The following VAV2 variants were observed in gnomAD, a reference collection of about 807,000 sequenced individuals.
The protein encoded by VAV2 is vav guanine nucleotide exchange factor 2, also known as guanine nucleotide exchange factor VAV2.
A neutral mutation model predicts 132.5 loss-of-function variants in VAV2; 67 were observed. The observed-to-expected ratio is 0.51, with a 90% CI of 0.42 to 0.62. The LOEUF (loss-of-function observed/expected upper bound fraction) is 0.62, where lower values mean the gene tolerates loss of function less well. Ranked by LOEUF, VAV2 falls within the 20% of genes least tolerant of loss-of-function variation. VAV2 has a pLI of 0.00. For missense variants in VAV2, 938 were observed against 1,153.6 expected (o/e 0.81, Z 2.71); for synonymous variants, 492 against 443.5 (o/e 1.11, Z -1.37).
At position 133,961,096 on chromosome 9, in the gene VAV2, G is replaced by A. The variant is rs545008199; in HGVS notation, c.205-21877C>T. 3.4e-4 allele frequency among the ~76,000 whole-genome samples: 52 copies of A among 152,236 alleles called. No individual in the cohort carries two copies. The highest frequency in any genetic ancestry group is 2.6e-4 in the Admixed American group (4 of 15,292). Reference sequence around the variant, plus strand: ...CGGCACACATCACGGGCGGCCCCAAGCTCTCCAGGTGGGAGCTGCTGAGCG... The same window carrying A: ...CGGCACACATCACGGGCGGCCCCAAACTCTCCAGGTGGGAGCTGCTGAGCG... On this transcript the variant is annotated intron_variant, in intron 1 of 29. Transcript: ENST00000371850. The surrounding 1 kb of genome is among the most constrained non-coding windows in gnomAD (Gnocchi z 4.1).
At chr9:133,960,599 C>T (rs760612652) in intron 1 of VAV2, among the ~76,000 whole-genome samples, 1 of 152,208 alleles carries the variant, frequency 6.6e-6, no homozygotes, top group African/African-American at 2.4e-5. Flanking sequence ...GCGGAGAAAA[C>T]GGGAAGTAAA....
At chr9:133,859,629 C>A (rs961475783) in intron 3 of VAV2, among the ~76,000 whole-genome samples, 15 of 149,854 alleles carry the variant, frequency 1.0e-4, no homozygotes, top group Non-Finnish European at 1.6e-4. Context: ...GTAAAAAAAA[C>A]AAAACAAAAC....
chr9:133,878,094 C>T (rs1838335303), intron 2 of VAV2, among the ~76,000 whole-genome samples: 1 of 152,160 alleles, frequency 6.6e-6, no homozygotes, highest in Non-Finnish European at 1.5e-5. Flanking sequence ...CCCTTAGGCT[C>T]AGCAGGCGAA....
intron 3 of VAV2, among the ~76,000 whole-genome samples, chr9:133,860,750 T>C (rs896105468): frequency 6.6e-6 from 1 of 152,144 alleles, no homozygotes; most frequent in African/African-American, 2.4e-5. Context: ...CTCCCTGACC[T>C]CAATCTGTGG....
intron 6 of VAV2, among the ~76,000 whole-genome samples, chr9:133,809,623 C>G (rs1413999105): frequency 1.3e-5 from 2 of 152,240 alleles, no homozygotes; most frequent in Non-Finnish European, 2.9e-5. Flanking sequence ...GCAGGCTGGA[C>G]TCTTCCCCTG....
At chr9:133,797,866 T>A (rs1433165503) in intron 9 of VAV2, 57 bp from the exon 10 acceptor site, 13 of 1,537,202 alleles carry the variant, frequency 8.5e-6, no homozygotes, top group Non-Finnish European at 1.2e-5. Context: ...AGCTCGGGGC[T>A]GCAGTGAGCC....
chr9:133,765,820 AAC>A (rs151111251), intron 29 of VAV2, among the ~76,000 whole-genome samples: 13 of 151,854 alleles, frequency 8.6e-5, no homozygotes, highest in Admixed American at 3.3e-4. Context: ...GAAATAGACA[AAC>A]ACACACACAC....
chr9:133,882,416 G>A (rs1838535528), intron 2 of VAV2, among the ~76,000 whole-genome samples: 1 of 152,210 alleles, frequency 6.6e-6, no homozygotes. Context: ...TGTCCTTCCT[G>A]GAACCTCAGA....
intron 1 of VAV2, among the ~76,000 whole-genome samples, chr9:133,983,103 G>A (rs1046467607): frequency 6.6e-6 from 1 of 152,298 alleles, no homozygotes; most frequent in South Asian, 2.1e-4. Flanking sequence ...AGACCTGCTG[G>A]GGCCTCAGCT....
intron 1 of VAV2, among the ~76,000 whole-genome samples, chr9:133,971,112 G>A (rs565023024): frequency 2.6e-5 from 4 of 152,176 alleles, no homozygotes; most frequent in Admixed American, 1.3e-4. Flanking sequence ...GGGAAGCCCC[G>A]GGTTCCACTC....
chr9:133,834,366 G>A lies in VAV2; in HGVS notation c.381-26C>T. ...CTGCGGAAGAGAAGGCGAGAGGGAG[G>A]TGAGCAGGTCCCGGCACTGCCGGCC... On this transcript the variant is annotated intron_variant, in intron 3 of 29. Coordinates refer to ENST00000371850, the MANE Select transcript of VAV2 (RefSeq NM_001134398.2). This position sits in a 1 kb window ranked among gnomAD's most constrained non-coding sequence, Gnocchi z 5.9. The A allele has an allele frequency of 1.2e-6, 2 of 1,607,360 alleles. No homozygotes were observed.
intron 2 of VAV2, among the ~76,000 whole-genome samples, chr9:133,868,104 TC>T (rs750452756): frequency 2.6e-5 from 4 of 152,160 alleles, no homozygotes; most frequent in Admixed American, 6.5e-5. Context: ...TGTTTAAAAG[TC>T]CCCTTCATCT....
chr9:133,893,362 C>T (rs1192756582), intron 2 of VAV2, among the ~76,000 whole-genome samples: 2 of 152,174 alleles, frequency 1.3e-5, no homozygotes, highest in African/African-American at 4.8e-5. Context: ...GCGGCGGCAA[C>T]AGCAGCTGGG....
At chr9:133,968,752 C>T (rs929361090) in intron 1 of VAV2, among the ~76,000 whole-genome samples, 6 of 152,220 alleles carry the variant, frequency 3.9e-5, no homozygotes, top group African/African-American at 1.4e-4. Context: ...CCTCTGTCAG[C>T]CCTGGGCTCA....
intron 9 of VAV2, among the ~76,000 whole-genome samples, chr9:133,803,932 C>A (rs947451565): frequency 6.6e-6 from 1 of 152,194 alleles, no homozygotes. Flanking sequence ...CCTCGCCCCA[C>A]CCCTGCAGGA....
At chr9:133,968,197 A>G (rs1485067886) in intron 1 of VAV2, among the ~76,000 whole-genome samples, 1 of 152,132 alleles carries the variant, frequency 6.6e-6, no homozygotes, top group Non-Finnish European at 1.5e-5. Context: ...AGAAGAGAGG[A>G]CGTGAAATGT....
At chr9:133,800,561 C>T (rs1294757177) in intron 9 of VAV2, among the ~76,000 whole-genome samples, 1 of 152,194 alleles carries the variant, frequency 6.6e-6, no homozygotes, top group Non-Finnish European at 1.5e-5. Flanking sequence ...TTCAGGTGAG[C>T]TGGGCCCAGT....
intron 1 of VAV2, among the ~76,000 whole-genome samples, chr9:133,984,161 C>T (rs1265472511): frequency 6.6e-6 from 1 of 151,988 alleles, no homozygotes; most frequent in Non-Finnish European, 1.5e-5. Context: ...TTAGCAGATA[C>T]GGGGGTTTCA....
intron 2 of VAV2, among the ~76,000 whole-genome samples, chr9:133,927,232 C>T (rs143278230): frequency 1.0e-3 from 158 of 152,304 alleles, no homozygotes; most frequent in Non-Finnish European, 1.7e-3. Context: ...GGCACATGTA[C>T]CCATGCTCTC....
Sources: allele counts gnomAD v4.1 joint callset (sites outside exome capture counted in the v4.1 genomes callset), GRCh38; gene constraint gnomAD v4.1.1; non-coding constraint Gnocchi (gnomAD v3.1); transcripts MANE v1.5; gene names NCBI Gene and HGNC (gene_info 2026-07-23, HGNC 2026-07-21).